Variants in UNC13B observed in about 807,000 individuals in gnomAD.
The protein encoded by UNC13B is protein unc-13 homolog B.
A neutral mutation model predicts 211.0 loss-of-function variants in UNC13B; 144 were observed. The observed-to-expected ratio is 0.68, with a 90% CI of 0.60 to 0.78. The LOEUF is 0.78. Among genes scored for constraint, UNC13B ranks in the 30% least tolerant of loss-of-function variants. UNC13B has a pLI of 0.00. For synonymous variants in UNC13B, 709 were observed against 725.8 expected (o/e 0.98, Z 0.37); for missense variants, 1,777 against 2,002.0 (o/e 0.89, Z 2.14).
chr9:35,349,775 C>T (rs1277716026), intron 11 of UNC13B, among the ~76,000 whole-genome samples: 4 of 152,198 alleles, frequency 2.6e-5, no homozygotes, highest in Non-Finnish European at 4.4e-5. Context: ...TCCTCTGACT[C>T]GTCCTTCTGG....
At chr9:35,365,282 C>CT (rs1833705231) in intron 11 of UNC13B, among the ~76,000 whole-genome samples, 1 of 152,228 alleles carries the variant, frequency 6.6e-6, no homozygotes, top group Admixed American at 6.5e-5. Context: ...TACTCTGAAG[C>CT]TTATGTTCTG....
chr9:35,248,451 G>A (rs966683395), intron 6 of UNC13B, among the ~76,000 whole-genome samples: 17 of 152,048 alleles, frequency 1.1e-4, no homozygotes, highest in African/African-American at 3.9e-4. Context: ...TGATGTTAGG[G>A]TGTGAATTTT....
At chr9:35,350,684 T>C (rs1014965681) in intron 11 of UNC13B, among the ~76,000 whole-genome samples, 10 of 152,318 alleles carry the variant, frequency 6.6e-5, no homozygotes, top group South Asian at 6.2e-4. Context: ...TGTGCCACTT[T>C]ATTCTAGAAT....
intron 5 of UNC13B, 138 bp downstream of exon 5, chr9:35,237,964 A>C: frequency 2.0e-5 from 18 of 891,838 alleles, no homozygotes; most frequent in Non-Finnish European, 2.8e-5. Context: ...TCTCTTTCTC[A>C]TAACACTTCA....
intron 1 of UNC13B, among the ~76,000 whole-genome samples, chr9:35,180,134 T>C (rs1252747148): frequency 1.3e-5 from 2 of 152,280 alleles, no homozygotes; most frequent in African/African-American, 4.8e-5. Flanking sequence ...AATTATAACC[T>C]TAACTGTGTT....
At chr9:35,316,942 A>G (rs995571389) in intron 11 of UNC13B, among the ~76,000 whole-genome samples, 60 of 152,200 alleles carry the variant, frequency 3.9e-4, no homozygotes, top group African/African-American at 1.4e-3. Flanking sequence ...GTTTTAAAAA[A>G]AAGTATCACT....
chr9:35,237,298 C>T (rs992433497), intron 4 of UNC13B, among the ~76,000 whole-genome samples: 20 of 152,252 alleles, frequency 1.3e-4, no homozygotes, highest in Admixed American at 2.6e-4. Flanking sequence ...CTCTACTCCC[C>T]AGGCAGATGG....
intron 6 of UNC13B, among the ~76,000 whole-genome samples, chr9:35,257,693 A>G (rs938693358): frequency 6.7e-6 from 1 of 149,734 alleles, no homozygotes; most frequent in African/African-American, 2.5e-5. Flanking sequence ...CTTATTCTCC[A>G]TGGAAATTAG....
At chr9:35,386,365 T>C (rs1185297195) in intron 24 of UNC13B, 72 bp downstream of exon 24, 6 of 1,598,974 alleles carry the variant, frequency 3.8e-6, no homozygotes, top group African/African-American at 1.3e-5. Flanking sequence ...TTCATGATGG[T>C]GGTGGAAAAG....
intron 11 of UNC13B, chr9:35,352,914 A>G (rs561293219): frequency 2.4e-6 from 3 of 1,232,072 alleles, no homozygotes; most frequent in African/African-American, 1.6e-5. Flanking sequence ...CCAGAAAATG[A>G]CTGCCACGAT....
At position 35,167,240 on chromosome 9, in the gene UNC13B, A is replaced by AT. The variant is rs1449642245; in HGVS notation, c.22+4941dup. ...AGGCGCCCATCACCACGCCTGGCTA[A>AT]TTTTTTGTATTTTTAGTAGAGACAG... On this transcript the variant is annotated intron_variant, in intron 1 of 39. Transcript: ENST00000635942. 5.3e-5 allele frequency among the ~76,000 whole-genome samples: 8 copies of AT among 151,710 alleles called. No homozygotes were observed. The East Asian group carries it at 1.6e-3, about 30-fold the overall frequency.
intron 11 of UNC13B, chr9:35,351,676 C>T: frequency 8.1e-7 from 1 of 1,232,278 alleles, no homozygotes; most frequent in Non-Finnish European, 1.0e-6. Flanking sequence ...CAGAGGACAA[C>T]TCCCTGCCCC....
At chr9:35,168,493 G>C (rs1049233539) in intron 1 of UNC13B, among the ~76,000 whole-genome samples, 1 of 151,906 alleles carries the variant, frequency 6.6e-6, no homozygotes, top group Admixed American at 6.6e-5. Flanking sequence ...GTTTTCTTTG[G>C]CATATAATTA....
intron 10 of UNC13B, among the ~76,000 whole-genome samples, chr9:35,312,291 G>T (rs1830216728): frequency 6.6e-6 from 1 of 152,204 alleles, no homozygotes; most frequent in African/African-American, 2.4e-5. Context: ...ATTAATAGAT[G>T]AGTCGCAAAC....
At chr9:35,319,212 G>A (rs1242219991) in intron 11 of UNC13B, among the ~76,000 whole-genome samples, 2 of 151,824 alleles carry the variant, frequency 1.3e-5, no homozygotes, top group African/African-American at 4.8e-5. Context: ...GACCAGCCTG[G>A]CCAACATGGT....
At chr9:35,285,506 C>A (rs1828740024) in intron 7 of UNC13B, among the ~76,000 whole-genome samples, 1 of 152,068 alleles carries the variant, frequency 6.6e-6, no homozygotes, top group Non-Finnish European at 1.5e-5. Flanking sequence ...ATTGCTTGAG[C>A]TTGGGAGTTT....
intron 6 of UNC13B, among the ~76,000 whole-genome samples, chr9:35,254,933 T>C (rs1271431177): frequency 8.1e-6 from 1 of 123,380 alleles, no homozygotes; most frequent in Non-Finnish European, 1.6e-5. Flanking sequence ...TATAATATAA[T>C]ATATATTAAT....
intron 1 of UNC13B, among the ~76,000 whole-genome samples, chr9:35,164,929 T>C (rs1820954234): frequency 6.6e-6 from 1 of 152,178 alleles, no homozygotes; most frequent in African/African-American, 2.4e-5. Flanking sequence ...TGTATTGTGG[T>C]GCTTATGGTG....
Position 35,237,790 on chromosome 9 carries a change from A to G in UNC13B, c.358A>G (p.Lys120Glu), listed in dbSNP as rs1490353965. Reference sequence around the variant, plus strand: ...TGGAACTAGAAACCCAACTCCTCATAAAATTTTGCTTGATACAAGATTTGA... The same window carrying G: ...TGGAACTAGAAACCCAACTCCTCATGAAATTTTGCTTGATACAAGATTTGA... ...ICGTRNPTPH[K>E]ILLDTRFELP... The change falls in exon 5 of 40, where the codon AAA becomes GAA. Residue 120 changes from lysine to glutamate, a missense_variant. By Grantham distance (56) the Lys-to-Glu change is moderately conservative (BLOSUM62 1). Transcript: ENST00000635942. 1.9e-6 allele frequency: 3 copies of G among 1,613,756 alleles called. No individual in the cohort carries two copies. Among genetic ancestry groups the G allele is most frequent in the Admixed American group, 1.7e-5 (1 of 59,854 alleles).
Sources: allele counts gnomAD v4.1 joint callset (sites outside exome capture counted in the v4.1 genomes callset), GRCh38; gene constraint gnomAD v4.1.1; transcripts MANE v1.5; gene names NCBI Gene and HGNC (gene_info 2026-07-23, HGNC 2026-07-21).